Variants in GPD2 observed in about 807,000 individuals in gnomAD.
GPD2 encodes the protein glycerol-3-phosphate dehydrogenase, mitochondrial.
A neutral mutation model predicts 82.4 loss-of-function variants in GPD2; 54 were observed. The ratio of observed to expected loss-of-function variants is 0.66; its 90% CI spans 0.53 to 0.82. GPD2 has a LOEUF of 0.82. Among genes scored for constraint, GPD2 ranks in the 40% least tolerant of loss-of-function variants. GPD2 has a pLI of 0.00. For missense variants in GPD2, 748 were observed against 896.2 expected (o/e 0.83, Z 2.11); for synonymous variants, 288 against 306.1 (o/e 0.94, Z 0.62).
At position 156,568,957 on chromosome 2, in the gene GPD2, C is replaced by A; in HGVS notation, c.1298C>A (p.Ala433Glu). 1 of 1,601,700 alleles carries A rather than the reference C, an allele frequency of 6.2e-7. No individual in the cohort carries two copies. The highest frequency in any genetic ancestry group is 8.5e-7 in the Non-Finnish European group (1 of 1,170,020). The change falls in exon 10 of 17, where the codon GCA becomes GAA. Residue 433 changes from alanine (A) to glutamate (E), a missense_variant and splice_region_variant. Physicochemically the swap from Ala to Glu is moderately radical, Grantham distance 107. This residue lies in a region of GPD2 where 692 missense variants were observed against 809.7 expected (regional missense o/e 0.85). Coordinates refer to ENST00000438166, the MANE Select transcript of GPD2 (RefSeq NM_000408.5). ...AGTGAGAGTGGCCTTATTACTATAG[C>A]AGGTATGAGATACTACCTTGTTATT... ...DISESGLITIAGGKWTTYRSM... is the reference protein window; with the variant it reads ...DISESGLITIEGGKWTTYRSM...
chr2:156,510,658 T>C, intron 3 of GPD2, 138 bp from the exon 4 acceptor site: 1 of 725,636 alleles, frequency 1.4e-6, no homozygotes, highest in Non-Finnish European at 2.5e-6. Flanking sequence ...ATAGACAGTG[T>C]ACTGCACTTT....
chr2:156,517,824 A>G (rs1385169697), intron 6 of GPD2, among the ~76,000 whole-genome samples: 1 of 152,138 alleles, frequency 6.6e-6, no homozygotes, highest in Admixed American at 6.5e-5. Context: ...CAGTCATCCA[A>G]TCTAGTACAC....
chr2:156,490,214 A>G (rs1441491941), intron 2 of GPD2, among the ~76,000 whole-genome samples: 3 of 152,020 alleles, frequency 2.0e-5, no homozygotes, highest in Non-Finnish European at 4.4e-5. Flanking sequence ...CCCTCAATCA[A>G]CATATTCTAG....
chr2:156,481,945 T>G (rs1264827218), intron 2 of GPD2, among the ~76,000 whole-genome samples: 1 of 152,208 alleles, frequency 6.6e-6, no homozygotes, highest in African/African-American at 2.4e-5. Context: ...GGTGATTTTC[T>G]TAAATTCTCT....
rs1321797619 is a variant in GPD2 at position 156,476,178 on chromosome 2, T to C, written c.73T>C (p.Ser25Pro). Residue 25 changes from serine (S) to proline (P), a missense_variant, in exon 2 of 17, where the codon TCT becomes CCT. Ser to Pro is a moderately conservative substitution (Grantham distance 74). This residue lies in a region of GPD2 where 692 missense variants were observed against 809.7 expected (regional missense o/e 0.85). Transcript: ENST00000438166. ...GGALATVLGL[S>P]QFAHYRRKQM... ...TGCTCTTGCAACTGTTTTAGGACTT[T>C]CTCAGTTTGCTCATTACAGAAGGAA... 1 of 1,605,392 alleles carries C rather than the reference T, an allele frequency of 6.2e-7. No homozygotes were observed. Among genetic ancestry groups the C allele is most frequent in the Admixed American group, 1.7e-5 (1 of 60,022 alleles).
In GPD2 at chr2:156,492,147, C is replaced by CTTTT. The variant is rs770947790; in HGVS notation, c.103-3875_103-3872dup. Among the ~76,000 whole-genome samples the CTTTT allele has an allele frequency of 1.2e-3, 93 of 75,518 alleles. 2 individuals are homozygous for CTTTT. The highest frequency in any genetic ancestry group is 1.8e-3 in the East Asian group (4 of 2,208). The allele number at this position is 75,518 out of a possible 152,430, so 49.5% of individuals were successfully genotyped here. On this transcript the variant is annotated intron_variant, in intron 2 of 16. Transcript: ENST00000438166. ...CCACCACTTGGTATTCCCTCCCTAC[C>CTTTT]TTTTTTTTTTTTTTTTTTTTTTTTT...
chr2:156,558,306 AT>A (rs1433743308), intron 9 of GPD2, among the ~76,000 whole-genome samples: 2 of 152,016 alleles, frequency 1.3e-5, no homozygotes, highest in Non-Finnish European at 2.9e-5. Context: ...CTCTTTCCAT[AT>A]CCAGTCTAAT....
rs1271784007 is a variant in GPD2 at position 156,584,462 on chromosome 2, C to G, written c.*1544C>G. On this transcript the variant is annotated 3_prime_UTR_variant, in exon 17 of 17. Coordinates refer to ENST00000438166, the MANE Select transcript of GPD2 (RefSeq NM_000408.5). ...TCTTTATGCCTTATTCAAGTGGATT[C>G]TGAGCCTGTATGTCACAATGTAAAC... The G allele has an allele frequency of 6.6e-6, 1 of 152,400 alleles. No individual in the cohort carries two copies. Among genetic ancestry groups the G allele is most frequent in the Non-Finnish European group, 1.5e-5 (1 of 67,934 alleles). The allele number at this position is 152,400 out of a possible 1,614,324, so 9.4% of individuals were successfully genotyped here.
the GPD2 span, among the ~76,000 whole-genome samples, chr2:156,404,034 T>C: frequency 6.6e-6 from 1 of 152,306 alleles, no homozygotes; most frequent in East Asian, 1.9e-4. Flanking sequence ...GAAAAAATTC[T>C]GGATTTTGTG....
chr2:156,577,817 C>T (rs1202226141), intron 13 of GPD2, among the ~76,000 whole-genome samples: 1 of 152,198 alleles, frequency 6.6e-6, no homozygotes, highest in African/African-American at 2.4e-5. Context: ...GCTCTCTTCT[C>T]CACATTCTAG....
rs1181813398 is a variant in GPD2, at chr2:156,583,455, C to T, written c.*537C>T. The T allele has an allele frequency of 6.0e-6, 1 of 166,732 alleles. No individual in the cohort carries two copies. 10.3% of individuals were successfully genotyped at this position (166,732 alleles called of 1,614,324 possible). On this transcript the variant is annotated 3_prime_UTR_variant, in exon 17 of 17. Coordinates refer to ENST00000438166, the MANE Select transcript of GPD2 (RefSeq NM_000408.5). ...TCAGCCCCATCTTCCTCCAGCTTGT[C>T]TACCTTCCTCATGCAAACAATATTC...
At chr2:156,477,480 G>A (rs1481219890) in intron 2 of GPD2, among the ~76,000 whole-genome samples, 2 of 152,084 alleles carry the variant, frequency 1.3e-5, no homozygotes, top group South Asian at 2.1e-4. Context: ...GGAAGAATTA[G>A]TATGCTGGCC....
intron 1 of GPD2, among the ~76,000 whole-genome samples, chr2:156,440,158 G>A (rs1035568118): frequency 6.6e-6 from 1 of 152,154 alleles, no homozygotes; most frequent in South Asian, 2.1e-4. Context: ...TGGTATGTTA[G>A]GGGAAGAAGA....
At chr2:156,546,113 T>C (rs1482399533) in intron 6 of GPD2, among the ~76,000 whole-genome samples, 1 of 152,254 alleles carries the variant, frequency 6.6e-6, no homozygotes, top group Non-Finnish European at 1.5e-5. Flanking sequence ...AGGCTCAGTA[T>C]GTGCACATAT....
rs548280226 is a variant in GPD2, at chr2:156,451,927, G to C, written c.-9+15414G>C. On this transcript the variant is annotated intron_variant, in intron 1 of 16. Coordinates refer to ENST00000438166, the MANE Select transcript of GPD2 (RefSeq NM_000408.5). ...TCACCTCCCAGACGGGGTCGCGGCC[G>C]GGCAGAGGCGCTCCTCACATCCCAG... Among the ~76,000 whole-genome samples the C allele has an allele frequency of 3.9e-3, 589 of 149,588 alleles. 8 individuals are homozygous for C. Among genetic ancestry groups the C allele is most frequent in the South Asian group, 0.033 (153 of 4,622 alleles).
At chr2:156,472,064 T>C (rs1024202261) in intron 1 of GPD2, among the ~76,000 whole-genome samples, 2 of 152,218 alleles carry the variant, frequency 1.3e-5, no homozygotes, top group Non-Finnish European at 2.9e-5. Flanking sequence ...CTAATTCTAT[T>C]TTTTAAAATT....
chr2:156,557,706 T>G (rs1466244444), intron 9 of GPD2, 124 bp downstream of exon 9: 1 of 719,828 alleles, frequency 1.4e-6, no homozygotes, highest in Non-Finnish European at 2.5e-6. Flanking sequence ...CTTGTGCCTC[T>G]TAGAACATTT....
chr2:156,459,748 A>T (rs1180314479), intron 1 of GPD2, among the ~76,000 whole-genome samples: 2 of 150,140 alleles, frequency 1.3e-5, no homozygotes, highest in Non-Finnish European at 3.0e-5. Context: ...TCAATCTTTT[A>T]CGTAAGGACA....
the GPD2 span, among the ~76,000 whole-genome samples, chr2:156,404,483 A>G: frequency 2.0e-5 from 3 of 152,112 alleles, no homozygotes; most frequent in African/African-American, 7.2e-5. Context: ...GTTTTACCCC[A>G]AACATGGTAA....
Sources: allele counts gnomAD v4.1 joint callset (sites outside exome capture counted in the v4.1 genomes callset), GRCh38; gene constraint gnomAD v4.1.1; regional missense constraint gnomAD v4.1.1; transcripts MANE v1.5; gene names NCBI Gene and HGNC (gene_info 2026-07-23, HGNC 2026-07-21).